Variants in TRPM3 observed in about 807,000 individuals in gnomAD.
The protein encoded by TRPM3 is transient receptor potential cation channel subfamily M member 3, also known as long transient receptor potential channel 3.
TRPM3 carries 77 observed loss-of-function variants against 181.2 expected under a neutral mutation model. That is an observed-to-expected ratio of 0.42 (90% CI 0.35 to 0.51). The LOEUF (loss-of-function observed/expected upper bound fraction) is 0.51, where lower values mean the gene tolerates loss of function less well. Among genes scored for constraint, TRPM3 ranks in the 20% least tolerant of loss-of-function variants. The probability of loss-of-function intolerance (pLI) is 0.01; values close to 1 mark genes in which losing one functional copy is unlikely to be tolerated. For synonymous variants in TRPM3, 745 were observed against 796.4 expected, an observed-to-expected ratio of 0.94 and a Z score of 1.09; for missense variants, 1,759 against 2,196.7, an observed-to-expected ratio of 0.80 and a Z score of 3.98.
intron 22 of TRPM3, among the ~76,000 whole-genome samples, chr9:70,569,496 T>C (rs540532212): frequency 6.6e-6 from 1 of 152,330 alleles, no homozygotes; most frequent in South Asian, 2.1e-4. Context: ...AGGAACTAGT[T>C]ATATTGACGG....
At chr9:70,748,895 A>G (rs527699913) in intron 8 of TRPM3, among the ~76,000 whole-genome samples, 12 of 152,062 alleles carry the variant, frequency 7.9e-5, no homozygotes, top group Admixed American at 2.0e-4. Flanking sequence ...TTTGTTTTTT[A>G]TTTTTTTGAG....
At chr9:71,098,612 T>A (rs940691004) in intron 1 of TRPM3, among the ~76,000 whole-genome samples, 3 of 152,188 alleles carry the variant, frequency 2.0e-5, no homozygotes, top group Non-Finnish European at 4.4e-5. Flanking sequence ...GACCTAAGGA[T>A]AATGAATAAA....
chr9:70,969,775 TATATAC>T (rs1435803375), intron 1 of TRPM3, among the ~76,000 whole-genome samples: 1 of 121,312 alleles, frequency 8.2e-6, no homozygotes, highest in Non-Finnish European at 1.8e-5. Flanking sequence ...TATATATATA[TATATAC>T]ACACACACAC....
At chr9:71,442,730 T>C (rs2094151161) in intron 1 of TRPM3, among the ~76,000 whole-genome samples, 1 of 152,260 alleles carries the variant, frequency 6.6e-6, no homozygotes, top group African/African-American at 2.4e-5. Flanking sequence ...TTTCTTTATA[T>C]TCTGATTAAA....
At chr9:71,396,971 A>G (rs2093215676) in intron 1 of TRPM3, among the ~76,000 whole-genome samples, 1 of 151,984 alleles carries the variant, frequency 6.6e-6, no homozygotes, top group African/African-American at 2.4e-5. Flanking sequence ...ATCTCAAAAA[A>G]AAAAAAAAAA....
chr9:71,235,586 A>G (rs532456755), intron 1 of TRPM3, among the ~76,000 whole-genome samples: 7 of 152,218 alleles, frequency 4.6e-5, no homozygotes, highest in South Asian at 2.1e-4. Flanking sequence ...TTTATGAGCT[A>G]TATCTTCCAG....
At chr9:71,361,537 G>A (rs1237225677) in intron 1 of TRPM3, among the ~76,000 whole-genome samples, 5 of 152,162 alleles carry the variant, frequency 3.3e-5, no homozygotes, top group Admixed American at 2.0e-4. Flanking sequence ...GTAACTACAG[G>A]AGTTTTACAT....
intron 22 of TRPM3, among the ~76,000 whole-genome samples, chr9:70,572,163 A>C (rs1226972939): frequency 6.6e-6 from 1 of 151,212 alleles, no homozygotes; most frequent in Non-Finnish European, 1.5e-5. Flanking sequence ...GTGATTTTAA[A>C]TCTTTAGAAA....
chr9:71,127,612 T>A (rs555597294), intron 1 of TRPM3, among the ~76,000 whole-genome samples: 12 of 152,276 alleles, frequency 7.9e-5, no homozygotes, highest in Admixed American at 2.6e-4. Context: ...CACCTCCAGG[T>A]TTTTGTGAAG....
chr9:70,767,074 C>G (rs2079288016), intron 7 of TRPM3, among the ~76,000 whole-genome samples: 1 of 152,228 alleles, frequency 6.6e-6, no homozygotes, highest in African/African-American at 2.4e-5. Context: ...TGACGTATTC[C>G]TTCTCACGAA....
chr9:70,864,418 G>C lies in TRPM3; in HGVS notation c.257+14C>G. ...ACTACTTCATGTTCTCAACATTATA[G>C]ACAGCAAGATTACCTATGGGGGTCT... is the stretch of plus-strand genomic sequence containing the variant. On this transcript the variant is annotated intron_variant, in intron 2 of 25. Transcript: ENST00000677713. 6.8e-7 allele frequency: 1 copy of C among 1,471,662 alleles called. No homozygotes were observed. Among genetic ancestry groups the C allele is most frequent in the Non-Finnish European group, 9.0e-7 (1 of 1,116,276 alleles). 91.2% of individuals were successfully genotyped at this position (1,471,662 alleles called of 1,614,324 possible).
chr9:71,252,847 C>CTCCTTTT (rs1554854926), intron 1 of TRPM3, among the ~76,000 whole-genome samples: 1 of 84,754 alleles, frequency 1.2e-5, no homozygotes, highest in Non-Finnish European at 2.1e-5. Context: ...AATTTTGTCT[C>CTCCTTTT]TTTTTTTTTT....
intron 22 of TRPM3, among the ~76,000 whole-genome samples, chr9:70,574,014 T>A (rs879697215): frequency 2.9e-5 from 3 of 102,336 alleles, no homozygotes; most frequent in South Asian, 3.5e-4. Flanking sequence ...ACACACACAC[T>A]ACCAACACCA....
chr9:71,236,921 C>CCTGTAATCCCA (rs1356463634), intron 1 of TRPM3, among the ~76,000 whole-genome samples: 2 of 151,754 alleles, frequency 1.3e-5, no homozygotes, highest in African/African-American at 4.8e-5. Flanking sequence ...ATGGTGGGTG[C>CCTGTAATCCCA]CTGTAATCCC....
At chr9:70,950,662 T>C (rs1229144577) in intron 1 of TRPM3, among the ~76,000 whole-genome samples, 1 of 152,058 alleles carries the variant, frequency 6.6e-6, no homozygotes, top group Non-Finnish European at 1.5e-5. Context: ...TTAACCAAAA[T>C]GAAGGAAAGA....
intron 8 of TRPM3, among the ~76,000 whole-genome samples, chr9:70,743,938 T>A (rs1168095356): frequency 6.6e-6 from 1 of 152,170 alleles, no homozygotes; most frequent in Non-Finnish European, 1.5e-5. Context: ...AATCTACCAA[T>A]ATTTTTTGAG....
chr9:70,699,146 A>G (rs2071574281), intron 8 of TRPM3, among the ~76,000 whole-genome samples: 1 of 152,208 alleles, frequency 6.6e-6, no homozygotes, highest in Non-Finnish European at 1.5e-5. Context: ...TAGCAGCCTA[A>G]AAACTGCTTT....
intron 6 of TRPM3, among the ~76,000 whole-genome samples, chr9:70,791,236 C>T (rs1191277482): frequency 6.6e-6 from 1 of 152,184 alleles, no homozygotes; most frequent in African/African-American, 2.4e-5. Flanking sequence ...GTACGCTATA[C>T]ATTTTTTTGC....
intron 1 of TRPM3, among the ~76,000 whole-genome samples, chr9:70,902,015 T>C (rs1174363288): frequency 6.6e-6 from 1 of 152,188 alleles, no homozygotes. Context: ...AGGCAAGCTT[T>C]ATGCACTGAT....
Sources: gnomAD v4.1 joint callset for allele counts (sites outside exome capture counted in the v4.1 genomes callset) on GRCh38, gnomAD v4.1.1 for gene constraint, MANE v1.5 for transcripts, NCBI Gene and HGNC (gene_info 2026-07-23, HGNC 2026-07-21) for gene names.